The following RGS6 variants were observed in gnomAD, a reference collection of about 807,000 sequenced individuals.
The protein encoded by RGS6 is regulator of G-protein signaling 6.
RGS6 carries 30 observed loss-of-function variants against 78.5 expected under a neutral mutation model. That is an observed-to-expected ratio of 0.38 (90% CI 0.29 to 0.52). RGS6 has a LOEUF of 0.52. Ranked by LOEUF, RGS6 falls within the 20% of genes least tolerant of loss-of-function variation. The pLI is 0.85. For missense variants in RGS6, 495 were observed against 609.7 expected (o/e 0.81, Z 1.98); for synonymous variants, 206 against 206.0 (o/e 1.00, Z 0.00).
chr14:72,547,249 C>T lies in RGS6; in HGVS notation c.1422+7155C>T, dbSNP rs114280016. On this transcript the variant is annotated intron_variant, in intron 17 of 17. Transcript: ENST00000553525. ...ATCCAATGGCAGGAGTCTGGCAAGG[C>T]GACAGCACTGCCAATGTCACGGTCA... 1.8e-3 allele frequency: 2,806 copies of T among 1,535,600 alleles called. 55 individuals are homozygous for T. In the African/African-American group the frequency reaches 0.034, roughly 19 times the overall value.
At chr14:72,166,130 ACACACACAGACT>A (rs1285935415) in intron 2 of RGS6, among the ~76,000 whole-genome samples, 11 of 137,974 alleles carry the variant, frequency 8.0e-5, no homozygotes, top group Non-Finnish European at 8.1e-5. Flanking sequence ...ACACACACAC[ACACACACAGACT>A]GACTTTGTTA....
intron 3 of RGS6, among the ~76,000 whole-genome samples, chr14:72,374,614 G>A (rs2084247301): frequency 1.3e-5 from 2 of 152,098 alleles, no homozygotes; most frequent in Admixed American, 1.3e-4. Flanking sequence ...ATTAAATACA[G>A]AACAAAAAAA....
chr14:72,143,477 A>T (rs1462853953), intron 2 of RGS6, among the ~76,000 whole-genome samples: 5 of 152,170 alleles, frequency 3.3e-5, no homozygotes, highest in Non-Finnish European at 4.4e-5. Context: ...TTTTTGTTGT[A>T]GGATTATACG....
At chr14:72,326,194 G>A (rs933336405) in intron 2 of RGS6, among the ~76,000 whole-genome samples, 2 of 152,160 alleles carry the variant, frequency 1.3e-5, no homozygotes, top group African/African-American at 4.8e-5. Context: ...CAAAGGTCTG[G>A]TCAATTTAGA....
intron 2 of RGS6, among the ~76,000 whole-genome samples, chr14:71,970,668 A>C (rs547801973): frequency 6.6e-6 from 1 of 152,286 alleles, no homozygotes; most frequent in South Asian, 2.1e-4. Flanking sequence ...AAACTGTCGA[A>C]TCAGGAAATA....
the RGS6 span, among the ~76,000 whole-genome samples, chr14:72,572,650 G>T: frequency 6.6e-6 from 1 of 151,872 alleles, no homozygotes; most frequent in South Asian, 2.1e-4. Context: ...AACAAGGTGG[G>T]GTGGAAATGA....
At chr14:71,897,780 A>G in the RGS6 span, among the ~76,000 whole-genome samples, 1 of 152,066 alleles carries the variant, frequency 6.6e-6, no homozygotes, top group Admixed American at 6.5e-5. Flanking sequence ...CAGCCTCCCA[A>G]AGTGCTGGGA....
intron 2 of RGS6, among the ~76,000 whole-genome samples, chr14:72,302,164 T>C (rs901339705): frequency 6.6e-6 from 1 of 152,226 alleles, no homozygotes; most frequent in African/African-American, 2.4e-5. Context: ...TCCTATGTTA[T>C]AGAGTCGTAG....
At chr14:72,139,835 CTTTT>C (rs556562235) in intron 2 of RGS6, among the ~76,000 whole-genome samples, 1 of 147,746 alleles carries the variant, frequency 6.8e-6, no homozygotes, top group Non-Finnish European at 1.5e-5. Flanking sequence ...CTCAGGCAGA[CTTTT>C]TTTTTTTCCA....
At chr14:72,319,385 T>C (rs2071241322) in intron 2 of RGS6, among the ~76,000 whole-genome samples, 2 of 150,026 alleles carry the variant, frequency 1.3e-5, no homozygotes, top group Admixed American at 1.3e-4. Context: ...AGTCTCGCCC[T>C]GTTGCCCAGG....
At chr14:72,536,480 C>T (rs1324631143) in intron 16 of RGS6, among the ~76,000 whole-genome samples, 1 of 152,098 alleles carries the variant, frequency 6.6e-6, no homozygotes, top group African/African-American at 2.4e-5. Context: ...ATGGGGCATC[C>T]TACCTCCACA....
the RGS6 span, among the ~76,000 whole-genome samples, chr14:71,924,245 A>T: frequency 2.6e-5 from 4 of 152,132 alleles, no homozygotes; most frequent in Non-Finnish European, 4.4e-5. Context: ...CGGTATTGCT[A>T]TGTTGCCCAG....
At chr14:72,150,606 T>C (rs1355722601) in intron 2 of RGS6, among the ~76,000 whole-genome samples, 1 of 151,340 alleles carries the variant, frequency 6.6e-6, no homozygotes, top group Non-Finnish European at 1.5e-5. Flanking sequence ...TGGCAGAAGG[T>C]TAAGGGGAAG....
intron 2 of RGS6, among the ~76,000 whole-genome samples, chr14:72,010,199 T>G (rs2085396239): frequency 6.6e-6 from 1 of 152,184 alleles, no homozygotes; most frequent in African/African-American, 2.4e-5. Context: ...TGCTGAAAAA[T>G]TAATTACCAA....
chr14:71,986,025 T>C (rs2094697611), intron 2 of RGS6, among the ~76,000 whole-genome samples: 1 of 152,170 alleles, frequency 6.6e-6, no homozygotes, highest in African/African-American at 2.4e-5. Context: ...GTTTGAAGAA[T>C]AAAACTTTAA....
chr14:72,128,775 G>A (rs940426770), intron 2 of RGS6, among the ~76,000 whole-genome samples: 8 of 152,144 alleles, frequency 5.3e-5, no homozygotes, highest in African/African-American at 4.8e-5. Context: ...AGTAGAAAAC[G>A]CCTGCCTGGA....
intron 1 of RGS6, among the ~76,000 whole-genome samples, chr14:71,959,983 A>C (rs1319651901): frequency 6.6e-6 from 1 of 152,194 alleles, no homozygotes; most frequent in African/African-American, 2.4e-5. Flanking sequence ...GTCTGACTTC[A>C]AAGCCCTTCC....
intron 2 of RGS6, among the ~76,000 whole-genome samples, chr14:72,004,497 A>G (rs2084125895): frequency 6.6e-6 from 1 of 152,244 alleles, no homozygotes; most frequent in South Asian, 2.1e-4. Flanking sequence ...AGCAAAGATG[A>G]AAAATAATTG....
chr14:72,024,585 G>T (rs1320077370), intron 2 of RGS6, among the ~76,000 whole-genome samples: 2 of 152,162 alleles, frequency 1.3e-5, no homozygotes, highest in Admixed American at 6.5e-5. Context: ...TGGTACCCCT[G>T]TGTATTTTAA....
Sources: gnomAD v4.1 joint callset for allele counts (sites outside exome capture counted in the v4.1 genomes callset) on GRCh38, gnomAD v4.1.1 for gene constraint, MANE v1.5 for transcripts, NCBI Gene and HGNC (gene_info 2026-07-23, HGNC 2026-07-21) for gene names.